The following ACTN1 variants were observed in gnomAD, a reference collection of about 807,000 sequenced individuals.
ACTN1 encodes the protein actinin alpha 1.
Under a neutral mutation model 119.6 loss-of-function variants are expected in ACTN1, and 30 were observed. The ratio of observed to expected loss-of-function variants is 0.25; its 90% CI spans 0.19 to 0.34. The LOEUF (loss-of-function observed/expected upper bound fraction) is 0.34. Ranked by LOEUF, ACTN1 falls within the 10% of genes least tolerant of loss-of-function variation. ACTN1 has a pLI of 1.00. For synonymous variants in ACTN1, 429 were observed against 472.6 expected (o/e 0.91, Z 1.20); for missense variants, 764 against 1,223.4 (o/e 0.62, Z 5.60).
In ACTN1 at chr14:68,874,827, C is replaced by G. The variant is rs149327982; in HGVS notation, c.*32G>C. ...GGCGGAGGTGCAAGGCAGGGCACGG[C>G]GCACAAGACGAGGGCGGCCGGGCGG... On this transcript the variant is annotated 3_prime_UTR_variant, in exon 22 of 22. Transcript: ENST00000394419. The G allele has an allele frequency of 6.5e-7, 1 of 1,532,726 alleles. No homozygotes were observed. The highest frequency in any genetic ancestry group is 1.9e-5 in the Admixed American group (1 of 53,264). 94.9% of individuals were successfully genotyped at this position (1,532,726 alleles called of 1,614,324 possible).
rs908064355 is a variant in ACTN1, at chr14:68,935,221, T to C, written c.106-9549A>G. ...GTATTTTTAGTAGAGATGGGGTTTCTCCATATTGGTCAGGCTGGTCTCGAA... is the reference window on the plus strand; with the variant it reads ...GTATTTTTAGTAGAGATGGGGTTTCCCCATATTGGTCAGGCTGGTCTCGAA... On this transcript the variant is annotated intron_variant, in intron 1 of 21. Transcript: ENST00000394419. Among the ~76,000 whole-genome samples, 6 of 151,544 alleles carry C rather than the reference T, an allele frequency of 4.0e-5. No individual in the cohort carries two copies. The East Asian group carries it at 1.2e-3, about 30-fold the overall frequency.
chr14:68,906,729 GTC>G (rs2033687239), intron 6 of ACTN1, among the ~76,000 whole-genome samples: 1 of 152,180 alleles, frequency 6.6e-6, no homozygotes, highest in South Asian at 2.1e-4. Flanking sequence ...GCACCAGTTG[GTC>G]TCACAACCTC....
chr14:68,958,270 A>G (rs1397470875), intron 1 of ACTN1, among the ~76,000 whole-genome samples: 1 of 152,230 alleles, frequency 6.6e-6, no homozygotes, highest in Non-Finnish European at 1.5e-5. Context: ...GTGGCTGAGA[A>G]GACCGTTTGA....
Position 68,933,025 on chromosome 14 carries a change from A to G in ACTN1, c.106-7353T>C, listed in dbSNP as rs1265687412. On this transcript the variant is annotated intron_variant, in intron 1 of 21. Transcript: ENST00000394419. ...CTCCTTTAACTCATTGAATCATCAC[A>G]ATGACACTGTGGGACAAGTATTATT... is the stretch of plus-strand genomic sequence containing the variant. 4.6e-5 allele frequency among the ~76,000 whole-genome samples: 7 copies of G among 152,278 alleles called. No individual in the cohort carries two copies. The South Asian group carries it at 8.3e-4, about 18-fold the overall frequency.
chr14:68,888,748 T>G (rs2032234788), intron 11 of ACTN1, among the ~76,000 whole-genome samples: 1 of 152,098 alleles, frequency 6.6e-6, no homozygotes, highest in African/African-American at 2.4e-5. Context: ...TCACAGGAGC[T>G]CAAATCCTAT....
rs181303534 is a variant in ACTN1, at chr14:68,882,139, T to A, written c.1953+319A>T. Among the ~76,000 whole-genome samples, 23 of 152,164 alleles carry A rather than the reference T, an allele frequency of 1.5e-4. No homozygotes were observed. Among genetic ancestry groups the A allele is most frequent in the African/African-American group, 5.3e-4 (22 of 41,506 alleles). ...TTAGTAGAGACGGGGTTTCACCATG[T>A]TGGCCAGGCTGGTCTCGAACTCCTG... On this transcript the variant is annotated intron_variant, in intron 16 of 21. Transcript: ENST00000394419. This position sits in a 1 kb window ranked among gnomAD's most constrained non-coding sequence, Gnocchi z 4.5.
rs924001511 is a variant in ACTN1, at chr14:68,925,801, C to G, written c.106-129G>C. On this transcript the variant is annotated intron_variant, in intron 1 of 21. Coordinates refer to ENST00000394419, the MANE Select transcript of ACTN1 (RefSeq NM_001130004.2). This position sits in a 1 kb window ranked among gnomAD's most constrained non-coding sequence, Gnocchi z 4.3. ...AGCAGAGCCTCTCAACACAGTTGCC[C>G]CACCATGGTCTCATTCACTGCATCA... is the stretch of plus-strand genomic sequence containing the variant. 37 of 633,572 alleles carry G rather than the reference C, an allele frequency of 5.8e-5. No homozygotes were observed. Among genetic ancestry groups the G allele is most frequent in the South Asian group, 2.7e-4 (14 of 51,378 alleles). The allele number at this position is 633,572 out of a possible 1,614,324, so 39.2% of individuals were successfully genotyped here.
At chr14:68,889,101 C>A (rs996208203) in intron 11 of ACTN1, among the ~76,000 whole-genome samples, 2 of 152,192 alleles carry the variant, frequency 1.3e-5, no homozygotes, top group Admixed American at 6.5e-5. Context: ...GCCGGAGGGG[C>A]CCCAGCAGAT....
At chr14:68,876,063 C>G (rs1278641424) in intron 21 of ACTN1, among the ~76,000 whole-genome samples, 1 of 152,206 alleles carries the variant, frequency 6.6e-6, no homozygotes, top group Non-Finnish European at 1.5e-5. Flanking sequence ...GTGGCACAAT[C>G]TTGGCTCACT....
rs145301274 is a variant in ACTN1, at chr14:68,972,121, T to C, written c.105+6831A>G. Among the ~76,000 whole-genome samples the C allele has an allele frequency of 5.0e-3, 756 of 152,140 alleles. 2 individuals are homozygous for C. Among genetic ancestry groups the C allele is most frequent in the African/African-American group, 0.017 (702 of 41,484 alleles). On this transcript the variant is annotated intron_variant, in intron 1 of 21. Transcript: ENST00000394419. Reference sequence around the variant, plus strand: ...TTATAGACAGAGGTTAGGGAGAAATTTTCCCCAAGGACTGAGACTTGGAAA... The same window carrying C: ...TTATAGACAGAGGTTAGGGAGAAATCTTCCCCAAGGACTGAGACTTGGAAA...
At chr14:68,875,552 G>A (rs1478444686) in intron 21 of ACTN1, among the ~76,000 whole-genome samples, 1 of 152,262 alleles carries the variant, frequency 6.6e-6, no homozygotes, top group Non-Finnish European at 1.5e-5. Context: ...CCCCATGCAA[G>A]CAGCTCCAGC....
At chr14:68,952,947 C>G (rs1489000110) in intron 1 of ACTN1, among the ~76,000 whole-genome samples, 1 of 152,148 alleles carries the variant, frequency 6.6e-6, no homozygotes, top group South Asian at 2.1e-4. Context: ...CCACCAGTGA[C>G]GCCACCAACC....
chr14:68,939,705 G>A (rs570892088), intron 1 of ACTN1, among the ~76,000 whole-genome samples: 2 of 152,284 alleles, frequency 1.3e-5, no homozygotes, highest in African/African-American at 4.8e-5. Flanking sequence ...CAAAACTGAT[G>A]GCAAAAATAG....
intron 1 of ACTN1, among the ~76,000 whole-genome samples, chr14:68,929,595 C>T (rs552173484): frequency 6.6e-6 from 1 of 152,284 alleles, no homozygotes; most frequent in East Asian, 1.9e-4. Context: ...TCAGTGGATA[C>T]ACTCCGTTCC....
At chr14:68,949,337 G>A (rs1331619444) in intron 1 of ACTN1, among the ~76,000 whole-genome samples, 1 of 152,164 alleles carries the variant, frequency 6.6e-6, no homozygotes, top group Non-Finnish European at 1.5e-5. Flanking sequence ...AGGAAGGGTG[G>A]GGACCTGGCC....
chr14:68,932,655 G>T (rs555555151), intron 1 of ACTN1, among the ~76,000 whole-genome samples: 1 of 151,208 alleles, frequency 6.6e-6, no homozygotes, highest in Non-Finnish European at 1.5e-5. Flanking sequence ...GTGAGCCACT[G>T]CACCTGGTCT....
chr14:68,900,171 C>T (rs2033216376), intron 8 of ACTN1, among the ~76,000 whole-genome samples: 1 of 152,102 alleles, frequency 6.6e-6, no homozygotes, highest in Non-Finnish European at 1.5e-5. Context: ...TGCTGCCAGC[C>T]CATATGGTGT....
chr14:68,909,588 G>A lies in ACTN1; in HGVS notation c.516-192C>T, dbSNP rs146622231. On this transcript the variant is annotated intron_variant, in intron 5 of 21. Coordinates refer to ENST00000394419, the MANE Select transcript of ACTN1 (RefSeq NM_001130004.2). This position sits in a 1 kb window ranked among gnomAD's most constrained non-coding sequence, Gnocchi z 4.1. ...TCCCAGGCACTAGGGTCAAGACTTTGTGGGGGGGTTGACAAGTTCAGATAA... is the reference window on the plus strand; with the variant it reads ...TCCCAGGCACTAGGGTCAAGACTTTATGGGGGGGTTGACAAGTTCAGATAA... 1.4e-3 allele frequency among the ~76,000 whole-genome samples: 206 copies of A among 152,236 alleles called. No homozygotes were observed. Among genetic ancestry groups the A allele is most frequent in the Middle Eastern group, 3.4e-3 (1 of 294 alleles).
intron 1 of ACTN1, among the ~76,000 whole-genome samples, chr14:68,927,346 AC>A (rs2034983529): frequency 6.6e-6 from 1 of 151,788 alleles, no homozygotes; most frequent in East Asian, 1.9e-4. Flanking sequence ...TCAGCTCCAC[AC>A]CCCCAGCCTG....
Sources: gnomAD v4.1 joint callset for allele counts (sites outside exome capture counted in the v4.1 genomes callset) on GRCh38, gnomAD v4.1.1 for gene constraint, Gnocchi (gnomAD v3.1) non-coding constraint, MANE v1.5 for transcripts, NCBI Gene and HGNC (gene_info 2026-07-23, HGNC 2026-07-21) for gene names.